RBFOX1: variants seen among roughly 807,000 people sequenced by gnomAD.
RBFOX1 encodes RNA binding protein fox-1 homolog 1.
RBFOX1 carries 8 observed loss-of-function variants against 57.7 expected under a neutral mutation model. The observed-to-expected ratio is 0.14, with a 90% CI of 0.08 to 0.25. RBFOX1 has a LOEUF of 0.25. Among genes scored for constraint, RBFOX1 ranks in the 10% least tolerant of loss-of-function variants. The pLI, the probability that RBFOX1 is intolerant of heterozygous loss-of-function variation, is 1.00. For missense variants in RBFOX1, 611 were observed against 548.5 expected, an observed-to-expected ratio of 1.11 and a Z score of -1.14; for synonymous variants, 326 against 222.4, an observed-to-expected ratio of 1.47 and a Z score of -4.15.
chr16:7,332,455 T>G (rs2096710559), intron 4 of RBFOX1, among the ~76,000 whole-genome samples: 1 of 152,226 alleles, frequency 6.6e-6, no homozygotes, highest in Non-Finnish European at 1.5e-5. Flanking sequence ...TCTTCTTATT[T>G]TTTTTCTATC....
At chr16:6,700,465 C>G (rs1015376090) in intron 3 of RBFOX1, among the ~76,000 whole-genome samples, 2 of 152,000 alleles carry the variant, frequency 1.3e-5, no homozygotes, top group Non-Finnish European at 2.9e-5. Flanking sequence ...GGAGACCAGC[C>G]TAGCCAACAT....
intron 4 of RBFOX1, among the ~76,000 whole-genome samples, chr16:7,308,267 C>T (rs1385996687): frequency 6.7e-6 from 1 of 149,022 alleles, no homozygotes. Context: ...TTTTCTGATG[C>T]AAACTGCGTG....
At chr16:6,154,919 A>G (rs2096828021) in intron 1 of RBFOX1, among the ~76,000 whole-genome samples, 1 of 152,254 alleles carries the variant, frequency 6.6e-6, no homozygotes, top group African/African-American at 2.4e-5. Context: ...AAAGAATTCA[A>G]TTAGCAAGCA....
intron 2 of RBFOX1, among the ~76,000 whole-genome samples, chr16:5,495,963 T>C (rs2042988504): frequency 6.6e-6 from 1 of 152,094 alleles, no homozygotes; most frequent in African/African-American, 2.4e-5. Context: ...CTGTCTCTAC[T>C]AAAAATACAA....
chr16:7,223,395 A>T (rs150654850), intron 4 of RBFOX1, among the ~76,000 whole-genome samples: 2 of 152,376 alleles, frequency 1.3e-5, no homozygotes, highest in East Asian at 3.9e-4. Context: ...GGTGGACTGC[A>T]TGGATAGATG....
At chr16:7,066,981 T>C (rs2056207663) in intron 4 of RBFOX1, among the ~76,000 whole-genome samples, 1 of 152,210 alleles carries the variant, frequency 6.6e-6, no homozygotes, top group African/African-American at 2.4e-5. Flanking sequence ...CACATGGAAA[T>C]GCCTCTTTAT....
At chr16:7,046,378 A>C (rs546279596) in intron 3 of RBFOX1, among the ~76,000 whole-genome samples, 5 of 151,842 alleles carry the variant, frequency 3.3e-5, no homozygotes, top group Non-Finnish European at 7.4e-5. Context: ...AGTCTACAAG[A>C]CTCAGTATTT....
intron 4 of RBFOX1, among the ~76,000 whole-genome samples, chr16:7,182,171 C>T (rs1026206700): frequency 2.0e-5 from 3 of 152,084 alleles, no homozygotes; most frequent in African/African-American, 4.8e-5. Context: ...ACCTAGTTAC[C>T]TTTTAGGGTC....
rs960150494 is a variant in RBFOX1 at position 5,798,787 on chromosome 16, G to C, written c.319-68516G>C. On this transcript the variant is annotated intron_variant, in intron 3 of 19. Coordinates refer to the RBFOX1 transcript ENST00000641259. ...TGCCAGAGTCAAAAATTATGAACCA[G>C]GGGTCTGAGCTGTGAGGTTCCTCCC... Among the ~76,000 whole-genome samples the C allele has an allele frequency of 6.6e-5, 10 of 152,312 alleles. No homozygotes were observed. The East Asian group carries it at 1.5e-3, about 24-fold the overall frequency.
intron 1 of RBFOX1, among the ~76,000 whole-genome samples, chr16:6,034,778 C>A (rs746930148): frequency 6.6e-6 from 1 of 152,124 alleles, no homozygotes; most frequent in Non-Finnish European, 1.5e-5. Context: ...ACGTTCACAT[C>A]TTTGTCCTCA....
chr16:6,794,656 C>G (rs1214077061), intron 3 of RBFOX1, among the ~76,000 whole-genome samples: 1 of 152,128 alleles, frequency 6.6e-6, no homozygotes, highest in African/African-American at 2.4e-5. Context: ...GAAACCAAAC[C>G]CTTCCCCCCA....
chr16:5,987,968 C>A (rs566574155), intron 4 of RBFOX1, among the ~76,000 whole-genome samples: 1 of 151,822 alleles, frequency 6.6e-6, no homozygotes, highest in African/African-American at 2.4e-5. Context: ...GCTTGATTTT[C>A]CTGAGGCCCC....
At chr16:5,563,193 C>T (rs770559294) in intron 2 of RBFOX1, among the ~76,000 whole-genome samples, 2 of 152,202 alleles carry the variant, frequency 1.3e-5, no homozygotes, top group Non-Finnish European at 2.9e-5. Flanking sequence ...AGGTGATCTG[C>T]CTGCCTTGGC....
At chr16:6,275,910 C>T (rs1285380834) in intron 1 of RBFOX1, among the ~76,000 whole-genome samples, 1 of 152,136 alleles carries the variant, frequency 6.6e-6, no homozygotes, top group African/African-American at 2.4e-5. Context: ...TAATACTTCC[C>T]TCCCCAGTTG....
At chr16:5,948,179 A>G (rs538424163) in intron 4 of RBFOX1, among the ~76,000 whole-genome samples, 1 of 152,160 alleles carries the variant, frequency 6.6e-6, no homozygotes. Context: ...TCTGTTTGCT[A>G]TAGAGGGGAG....
At chr16:5,594,523 G>T (rs1217406542) in intron 2 of RBFOX1, among the ~76,000 whole-genome samples, 1 of 152,192 alleles carries the variant, frequency 6.6e-6, no homozygotes. Context: ...GTGAACATTG[G>T]TTTCTTCATC....
At chr16:6,612,199 G>A (rs2098069857) in intron 2 of RBFOX1, among the ~76,000 whole-genome samples, 1 of 151,898 alleles carries the variant, frequency 6.6e-6, no homozygotes, top group African/African-American at 2.4e-5. Flanking sequence ...TTAGACTCAG[G>A]GTAAGTTTAG....
Position 7,394,235 on chromosome 16 carries a change from C to CAAAAAAAAAAAAAAA in RBFOX1, c.28-123897_28-123883dup, listed in dbSNP as rs59934126. 1.3e-4 allele frequency among the ~76,000 whole-genome samples: 7 copies of CAAAAAAAAAAAAAAA among 55,036 alleles called. 1 individual carries two copies. In the East Asian group the frequency reaches 1.8e-3, roughly 14 times the overall value. The allele number at this position is 55,036 out of a possible 152,430, so 36.1% of individuals were successfully genotyped here. On this transcript the variant is annotated intron_variant, in intron 4 of 15. Transcript: ENST00000550418. ...TGGGCAACAGAGCAAGACTCCGCAT[C>CAAAAAAAAAAAAAAA]AAAAAAAAAAAAAAAAAAAAAAAAA...
At chr16:5,886,616 G>A (rs939192151) in intron 4 of RBFOX1, among the ~76,000 whole-genome samples, 29 of 152,324 alleles carry the variant, frequency 1.9e-4, no homozygotes, top group Admixed American at 1.4e-3. Context: ...GGCTGGGCGC[G>A]GTGGCTCACG....
Sources: allele counts gnomAD v4.1 joint callset (sites outside exome capture counted in the v4.1 genomes callset), GRCh38; gene constraint gnomAD v4.1.1; transcripts MANE v1.5; gene names NCBI Gene and HGNC (gene_info 2026-07-23, HGNC 2026-07-21).